PTPN13: variants seen among roughly 807,000 people sequenced by gnomAD.
PTPN13 encodes tyrosine-protein phosphatase non-receptor type 13.
A neutral mutation model predicts 284.0 loss-of-function variants in PTPN13; 191 were observed. The observed-to-expected ratio is 0.67, with a 90% CI of 0.60 to 0.76. The LOEUF is 0.76. Among genes scored for constraint, PTPN13 ranks in the 30% least tolerant of loss-of-function variants. The probability of loss-of-function intolerance (pLI) is 0.00; values close to 1 mark genes in which losing one functional copy is unlikely to be tolerated. For missense variants in PTPN13, 2,797 were observed against 2,939.9 expected (o/e 0.95, Z 1.12); for synonymous variants, 986 against 1,022.3 (o/e 0.96, Z 0.68).
chr4:86,672,470 A>G lies in PTPN13; in HGVS notation c.221A>G (p.Gln74Arg). Residue 74 changes from glutamine (Q) to arginine (R), a missense_variant, in exon 3 of 48, where the codon CAG becomes CGG. Gln to Arg is a conservative substitution (Grantham distance 43). Transcript: ENST00000411767. ...TTTACAGATGAAAATATTTCCAATC[A>G]GGATCTTCGAGCATTCACTGCACCA... ...VSFTDENISNQDLRAFTAPEV... is the reference protein window; with the variant it reads ...VSFTDENISNRDLRAFTAPEV... The G allele has an allele frequency of 6.2e-7, 1 of 1,600,028 alleles. No homozygotes were observed. The highest frequency in any genetic ancestry group is 8.5e-7 in the Non-Finnish European group (1 of 1,172,698).
intron 3 of PTPN13, among the ~76,000 whole-genome samples, chr4:86,682,392 A>T (rs1728992413): frequency 6.6e-6 from 1 of 152,180 alleles, no homozygotes; most frequent in Admixed American, 6.5e-5. Flanking sequence ...GAGGCTAAAT[A>T]AATAAGCAAT....
intron 19 of PTPN13, among the ~76,000 whole-genome samples, chr4:86,752,738 C>T (rs1737537568): frequency 6.6e-6 from 1 of 152,092 alleles, no homozygotes; most frequent in African/African-American, 2.4e-5. Context: ...ATGAAAAACT[C>T]ATTCCAGTTT....
At chr4:86,814,284 T>A (rs1054957874) in intron 47 of PTPN13, among the ~76,000 whole-genome samples, 172 bp from the exon 48 acceptor site, 4 of 151,760 alleles carry the variant, frequency 2.6e-5, no homozygotes, top group African/African-American at 9.7e-5. Flanking sequence ...GGATTACAGG[T>A]GTGAGCCACC....
chr4:86,744,067 C>T (rs1736455381), intron 16 of PTPN13, among the ~76,000 whole-genome samples: 1 of 152,174 alleles, frequency 6.6e-6, no homozygotes. Context: ...CAAGAAATTT[C>T]AGAGTGATAA....
In PTPN13 at chr4:86,763,049, G is replaced by A; in HGVS notation, c.3876G>A (p.Glu1292=). 1 of 1,613,788 alleles carries A rather than the reference G, an allele frequency of 6.2e-7. No homozygotes were observed. The highest frequency in any genetic ancestry group is 8.5e-7 in the Non-Finnish European group (1 of 1,179,864). Residue 1292 remains glutamate, a synonymous_variant, in exon 24 of 48, where the codon GAG becomes GAA. Coordinates refer to ENST00000411767, the MANE Select transcript of PTPN13 (RefSeq NM_080683.3). ...CATCTGTAATATCCAAAGCCACCGAGAAAGAGACTTTCACTGATAGTAACC... is the reference window on the plus strand; with the variant it reads ...CATCTGTAATATCCAAAGCCACCGAAAAAGAGACTTTCACTGATAGTAACC... The part of the protein sequence containing the change: ...PSPSVISKAT[E]KETFTDSNQS...
At chr4:86,596,627 G>A (rs1011684142) in intron 1 of PTPN13, among the ~76,000 whole-genome samples, 2 of 152,096 alleles carry the variant, frequency 1.3e-5, no homozygotes, top group African/African-American at 4.8e-5. Context: ...TGTATTCTTT[G>A]TTATTGAGAA....
chr4:86,687,942 A>G (rs1284458249), intron 4 of PTPN13, among the ~76,000 whole-genome samples: 1 of 152,198 alleles, frequency 6.6e-6, no homozygotes, highest in Non-Finnish European at 1.5e-5. Context: ...AGTATTTATT[A>G]AGTACCTACC....
chr4:86,649,342 A>G (rs1212632520), intron 2 of PTPN13, among the ~76,000 whole-genome samples: 2 of 152,090 alleles, frequency 1.3e-5, no homozygotes, highest in Non-Finnish European at 2.9e-5. Flanking sequence ...GTTTTTTCCT[A>G]GTAGTTTCAT....
intron 3 of PTPN13, among the ~76,000 whole-genome samples, chr4:86,675,030 T>C (rs1264060126): frequency 6.6e-6 from 1 of 152,218 alleles, no homozygotes; most frequent in Non-Finnish European, 1.5e-5. Context: ...AAATTTGGGA[T>C]GCACAAGTGC....
chr4:86,790,517 T>A (rs1447315397), intron 40 of PTPN13, among the ~76,000 whole-genome samples: 1 of 152,126 alleles, frequency 6.6e-6, no homozygotes, highest in Non-Finnish European at 1.5e-5. Flanking sequence ...TCTGTGAAGT[T>A]TGTTTGTTGT....
intron 1 of PTPN13, among the ~76,000 whole-genome samples, chr4:86,606,705 A>G (rs1016989967): frequency 6.6e-6 from 1 of 151,848 alleles, no homozygotes; most frequent in African/African-American, 2.4e-5. Context: ...CCCACTCAAG[A>G]CTAGATTTTT....
At chr4:86,641,329 G>C (rs1255440822) in intron 2 of PTPN13, among the ~76,000 whole-genome samples, 1 of 152,042 alleles carries the variant, frequency 6.6e-6, no homozygotes, top group East Asian at 1.9e-4. Flanking sequence ...CTTGTCAATG[G>C]CTTTTCCCCC....
chr4:86,758,376 T>G (rs1448707998), intron 21 of PTPN13, 27 bp downstream of exon 21: 2 of 1,533,586 alleles, frequency 1.3e-6, no homozygotes, highest in Non-Finnish European at 1.8e-6. Context: ...TTCTTGAAGG[T>G]CTATGATTGT....
intron 3 of PTPN13, among the ~76,000 whole-genome samples, chr4:86,673,439 A>C (rs1218009726): frequency 6.6e-6 from 1 of 152,198 alleles, no homozygotes; most frequent in African/African-American, 2.4e-5. Context: ...GAAATTGTCC[A>C]CTGTGATTGG....
In PTPN13 at chr4:86,750,884, A is replaced by C; in HGVS notation, c.3065A>C (p.Asn1022Thr). Residue 1022 changes from asparagine (N) to threonine (T), a missense_variant, in exon 18 of 48, where the codon AAT becomes ACT. Physicochemically the swap from Asn to Thr is moderately conservative, Grantham distance 65. Coordinates refer to ENST00000411767, the MANE Select transcript of PTPN13 (RefSeq NM_080683.3). ...AESLAGVTKL[N>T]NSKSVASLNR... ...TCTTTGGCAGGAGTGACAAAACTTAATAAGTAAGAACATATTAACTAACCC... is the reference window on the plus strand; with the variant it reads ...TCTTTGGCAGGAGTGACAAAACTTACTAAGTAAGAACATATTAACTAACCC... The C allele has an allele frequency of 6.2e-7, 1 of 1,612,462 alleles. No homozygotes were observed. The highest frequency in any genetic ancestry group is 8.5e-7 in the Non-Finnish European group (1 of 1,179,196).
chr4:86,801,688 A>T (rs1160987037), intron 42 of PTPN13, among the ~76,000 whole-genome samples: 1 of 152,210 alleles, frequency 6.6e-6, no homozygotes, highest in Non-Finnish European at 1.5e-5. Flanking sequence ...GTGTTTAGTT[A>T]TGAGTTGGTT....
At chr4:86,600,906 T>G (rs1764246329) in intron 1 of PTPN13, among the ~76,000 whole-genome samples, 1 of 152,056 alleles carries the variant, frequency 6.6e-6, no homozygotes, top group Middle Eastern at 3.2e-3. Flanking sequence ...AGAACAGAAG[T>G]TTCAGTTTTT....
At chr4:86,780,652 A>T (rs1032072137) in intron 36 of PTPN13, among the ~76,000 whole-genome samples, 180 bp downstream of exon 36, 1 of 152,224 alleles carries the variant, frequency 6.6e-6, no homozygotes, top group Non-Finnish European at 1.5e-5. Flanking sequence ...CTACATAAAA[A>T]CTTGGACAGA....
At position 86,734,794 on chromosome 4, in the gene PTPN13, A is replaced by G; in HGVS notation, c.2070A>G (p.Glu690=). The change falls in exon 14 of 48, where the codon GAA becomes GAG. Residue 690 remains glutamate, a synonymous_variant. Transcript: ENST00000411767. The part of the protein sequence containing the change: ...YLQLRKDILE[E]RMHCDDETSL... ...AGCTTCGAAAAGATATTTTGGAGGA[A>G]AGGATGCACTGTGATGATGAGACTT... 1.9e-6 allele frequency: 3 copies of G among 1,613,264 alleles called. No individual in the cohort carries two copies. The highest frequency in any genetic ancestry group is 2.5e-6 in the Non-Finnish European group (3 of 1,179,460).
Sources: allele counts gnomAD v4.1 joint callset (sites outside exome capture counted in the v4.1 genomes callset), GRCh38; gene constraint gnomAD v4.1.1; transcripts MANE v1.5; gene names NCBI Gene and HGNC (gene_info 2026-07-23, HGNC 2026-07-21).